The following TNFAIP2 variants were observed in gnomAD, a reference collection of about 807,000 sequenced individuals.
TNFAIP2 encodes the protein TNF alpha induced protein 2.
Under a neutral mutation model 63.5 loss-of-function variants are expected in TNFAIP2, and 47 were observed. The ratio of observed to expected loss-of-function variants is 0.74; its 90% CI spans 0.59 to 0.94. The LOEUF (loss-of-function observed/expected upper bound fraction) is 0.94. Ranked by LOEUF, TNFAIP2 falls within the 40% of genes least tolerant of loss-of-function variation. The pLI is 0.00. For missense variants in TNFAIP2, 787 were observed against 850.2 expected (o/e 0.93, Z 0.92); for synonymous variants, 405 against 390.2 (o/e 1.04, Z -0.45).
rs2088106927 is a variant in TNFAIP2 at position 103,137,020 on chromosome 14, C to T, written c.*1660C>T. ...TATTCTGCCCACCGCACCCTCCGTT[C>T]ATCCCCTGCCCTGCCGGGCACCTCG... On this transcript the variant is annotated 3_prime_UTR_variant, in exon 12 of 12. Coordinates refer to ENST00000560869, the MANE Select transcript of TNFAIP2 (RefSeq NM_006291.4). 1 of 151,994 alleles carries T rather than the reference C, an allele frequency of 6.6e-6. No individual in the cohort carries two copies. Among genetic ancestry groups the T allele is most frequent in the Non-Finnish European group, 1.5e-5 (1 of 67,998 alleles). 9.4% of individuals were successfully genotyped at this position (151,994 alleles called of 1,614,324 possible).
rs2087982400 is a variant in TNFAIP2, at chr14:103,131,873, C to T, written c.1422+111C>T. ...GAAGCAAAGATGTGGGGAAGACACG[C>T]TCCAGGCCTGTGGACGGCACCGTGG... On this transcript the variant is annotated intron_variant, in intron 8 of 11. Coordinates refer to ENST00000560869, the MANE Select transcript of TNFAIP2 (RefSeq NM_006291.4). This position sits in a 1 kb window ranked among gnomAD's most constrained non-coding sequence, Gnocchi z 4.0. 26 of 1,440,466 alleles carry T rather than the reference C, an allele frequency of 1.8e-5. No individual in the cohort carries two copies. The highest frequency in any genetic ancestry group is 2.4e-5 in the Non-Finnish European group (26 of 1,081,580). The allele number at this position is 1,440,466 out of a possible 1,614,324, so 89.2% of individuals were successfully genotyped here.
rs28409868 is a variant in TNFAIP2 at position 103,123,908 on chromosome 14, C to T, written c.-192C>T. 2 of 152,328 alleles carry T rather than the reference C, an allele frequency of 1.3e-5. No homozygotes were observed. The highest frequency in any genetic ancestry group is 2.4e-5 in the African/African-American group (1 of 41,436). 9.4% of individuals were successfully genotyped at this position (152,328 alleles called of 1,614,324 possible). The stretch of plus-strand genomic sequence containing the variant: ...GAAGGAGCCGGGCCCAGCGAGCTCC[C>T]GGGAGGTGTGTGGACATCAGCCCTG... On this transcript the variant is annotated 5_prime_UTR_variant, in exon 1 of 12. Coordinates refer to ENST00000560869, the MANE Select transcript of TNFAIP2 (RefSeq NM_006291.4).
chr14:103,124,884 G>A (rs1332833349), intron 1 of TNFAIP2, among the ~76,000 whole-genome samples: 3 of 152,254 alleles, frequency 2.0e-5, no homozygotes, highest in African/African-American at 7.2e-5. Flanking sequence ...GAGCATGGCA[G>A]GGGCTGGGGG....
At chr14:103,130,519 C>T (rs1037446516) in intron 6 of TNFAIP2, 104 bp downstream of exon 6, 7 of 1,071,472 alleles carry the variant, frequency 6.5e-6, no homozygotes, top group Non-Finnish European at 9.5e-6. Context: ...CCGCCCTCTA[C>T]CCCTGTCCCT....
rs555112191 is a variant in TNFAIP2 at position 103,130,352 on chromosome 14, C to G, written c.1136C>G (p.Thr379Arg). 2 of 1,568,464 alleles carry G rather than the reference C, an allele frequency of 1.3e-6. No homozygotes were observed. Among genetic ancestry groups the G allele is most frequent in the Non-Finnish European group, 1.7e-6 (2 of 1,156,284 alleles). Reference sequence around the variant, plus strand: ...GCCCAGGCCAAGGCCGAGAGCATCACGCTGGACTTGGGCTCACAGATAAAG... The same window carrying G: ...GCCCAGGCCAAGGCCGAGAGCATCAGGCTGGACTTGGGCTCACAGATAAAG... ...SQAQAKAESI[T>R]LDLGSQIKRV... Residue 379 changes from threonine to arginine, a missense_variant, in exon 6 of 12, where the codon ACG (threonine) becomes AGG (arginine). Coordinates refer to ENST00000560869, the MANE Select transcript of TNFAIP2 (RefSeq NM_006291.4).
chr14:103,135,801 C>T lies in TNFAIP2; in HGVS notation c.*441C>T. 2.3e-6 allele frequency: 3 copies of T among 1,294,724 alleles called. No individual in the cohort carries two copies. The highest frequency in any genetic ancestry group is 2.1e-4 in the Middle Eastern group (1 of 4,716). 80.2% of individuals were successfully genotyped at this position (1,294,724 alleles called of 1,614,324 possible). A position where few individuals can be genotyped will look rare whatever the true frequency, so the allele number is the denominator to read the frequency against. ...AGGGGCCGAGCCTCACCCATCTGCC[C>T]TCTGCAGCCCAGGGCCGCCGTGAGC... is the stretch of plus-strand genomic sequence containing the variant. On this transcript the variant is annotated 3_prime_UTR_variant, in exon 12 of 12. Coordinates refer to ENST00000560869, the MANE Select transcript of TNFAIP2 (RefSeq NM_006291.4). The surrounding 1 kb of genome is among the most constrained non-coding windows in gnomAD (Gnocchi z 7.6).
Position 103,126,314 on chromosome 14 carries a change from C to G in TNFAIP2, c.-144C>G, listed in dbSNP as rs1172608060. 1.6e-6 allele frequency: 1 copy of G among 638,048 alleles called. No homozygotes were observed. Among genetic ancestry groups the G allele is most frequent in the Non-Finnish European group, 2.7e-6 (1 of 364,540 alleles). 39.5% of individuals were successfully genotyped at this position (638,048 alleles called of 1,614,324 possible). On this transcript the variant is annotated 5_prime_UTR_variant, in exon 2 of 12. Transcript: ENST00000560869. ...GCCTTCACCCCCACCCCGCAGGAGC[C>G]TGCAGGCCTGAACCAGGGTGATGCT... is the stretch of plus-strand genomic sequence containing the variant.
At position 103,135,709 on chromosome 14, in the gene TNFAIP2, C is replaced by T. The variant is rs2088080998; in HGVS notation, c.*349C>T. 1 of 1,247,170 alleles carries T rather than the reference C, an allele frequency of 8.0e-7. No homozygotes were observed. The highest frequency in any genetic ancestry group is 1.0e-6 in the Non-Finnish European group (1 of 976,690). The allele number at this position is 1,247,170 out of a possible 1,614,324, so 77.3% of individuals were successfully genotyped here. On this transcript the variant is annotated 3_prime_UTR_variant, in exon 12 of 12. Coordinates refer to ENST00000560869, the MANE Select transcript of TNFAIP2 (RefSeq NM_006291.4). The surrounding 1 kb of genome is among the most constrained non-coding windows in gnomAD (Gnocchi z 7.6). ...CGGACACCTCTGTCCAGAGCCCCTC[C>T]ACAGTCGGCCTCATGACTGTCCTCC...
upstream of TNFAIP2, chr14:103,122,797 T>C (rs574389157): frequency 2.0e-5 from 9 of 453,402 alleles, no homozygotes; most frequent in Non-Finnish European, 3.1e-5. Context: ...GGGAGTCCCA[T>C]AGGCCTGGCT....
chr14:103,127,691 C>G lies in TNFAIP2; in HGVS notation c.860+62C>G. On this transcript the variant is annotated intron_variant, in intron 3 of 11. Coordinates refer to ENST00000560869, the MANE Select transcript of TNFAIP2 (RefSeq NM_006291.4). This position sits in a 1 kb window ranked among gnomAD's most constrained non-coding sequence, Gnocchi z 5.1. ...AGGGTGTCCTCTGTAGGAGGGGTGTCGAGGGGTGTCGAGGTGTGCCGCCGG... is the reference window on the plus strand; with the variant it reads ...AGGGTGTCCTCTGTAGGAGGGGTGTGGAGGGGTGTCGAGGTGTGCCGCCGG... 1 of 1,374,436 alleles carries G rather than the reference C, an allele frequency of 7.3e-7. No homozygotes were observed. Among genetic ancestry groups the G allele is most frequent in the Non-Finnish European group, 9.4e-7 (1 of 1,068,706 alleles). 85.1% of individuals were successfully genotyped at this position (1,374,436 alleles called of 1,614,324 possible).
chr14:103,135,781 C>A lies in TNFAIP2; in HGVS notation c.*421C>A. 1 of 1,291,234 alleles carries A rather than the reference C, an allele frequency of 7.7e-7. No homozygotes were observed. Among genetic ancestry groups the A allele is most frequent in the Non-Finnish European group, 1.0e-6 (1 of 991,198 alleles). 80.0% of individuals were successfully genotyped at this position (1,291,234 alleles called of 1,614,324 possible). ...CTCTTCAGCTCTCTGGAGACAGGGG[C>A]CGAGCCTCACCCATCTGCCCTCTGC... is the stretch of plus-strand genomic sequence containing the variant. On this transcript the variant is annotated 3_prime_UTR_variant, in exon 12 of 12. Transcript: ENST00000560869. This position sits in a 1 kb window ranked among gnomAD's most constrained non-coding sequence, Gnocchi z 7.6.
In TNFAIP2 at chr14:103,127,348, C is replaced by T. The variant is rs369911538; in HGVS notation, c.579C>T (p.Gly193=). The T allele has an allele frequency of 1.6e-6, 2 of 1,251,068 alleles. No individual in the cohort carries two copies. Among genetic ancestry groups the T allele is most frequent in the African/African-American group, 1.6e-5 (1 of 62,186 alleles). 77.5% of individuals were successfully genotyped at this position (1,251,068 alleles called of 1,614,324 possible). Residue 193 remains glycine, a synonymous_variant, in exon 3 of 12, where the codon GGC becomes GGT. Transcript: ENST00000560869. This position sits in a 1 kb window ranked among gnomAD's most constrained non-coding sequence, Gnocchi z 5.1. ...PRRWLQLWRR[G]VAEAAEERMG... Reference sequence around the variant, plus strand: ...GCTGGCTGCAGCTGTGGCGGCGCGGCGTGGCGGAGGCGGCCGAGGAGCGCA... The same window carrying T: ...GCTGGCTGCAGCTGTGGCGGCGCGGTGTGGCGGAGGCGGCCGAGGAGCGCA...
chr14:103,133,117 AAC>A (rs1359608301), intron 9 of TNFAIP2, among the ~76,000 whole-genome samples: 24 of 151,232 alleles, frequency 1.6e-4, no homozygotes, highest in South Asian at 4.2e-4. Context: ...CACACATATG[AAC>A]ACACGTGAAG....
intron 5 of TNFAIP2, 42 bp downstream of exon 5, chr14:103,130,166 G>A (rs1216175004): frequency 1.8e-5 from 28 of 1,594,404 alleles, no homozygotes; most frequent in Non-Finnish European, 2.4e-5. Flanking sequence ...GCCCGTGCAC[G>A]TGCATGGGGA....
chr14:103,122,077 G>T (rs1193649666), upstream of TNFAIP2, among the ~76,000 whole-genome samples: 1 of 152,138 alleles, frequency 6.6e-6, no homozygotes, highest in African/African-American at 2.4e-5. Flanking sequence ...GGGACACCGC[G>T]GCTCTGTGGA....
intron 8 of TNFAIP2, 40 bp from the exon 9 acceptor site, chr14:103,132,710 C>A (rs980506499): frequency 5.0e-6 from 8 of 1,599,744 alleles, no homozygotes; most frequent in African/African-American, 1.3e-5. Context: ...AGCCCTTCCT[C>A]TCCAGGGCGT....
Position 103,127,246 on chromosome 14 carries a change from G to T in TNFAIP2, c.477G>T (p.Ala159=). 10 of 1,044,382 alleles carry T rather than the reference G, an allele frequency of 9.6e-6. No individual in the cohort carries two copies. The highest frequency in any genetic ancestry group is 1.0e-5 in the Non-Finnish European group (9 of 867,898). 64.7% of individuals were successfully genotyped at this position (1,044,382 alleles called of 1,614,324 possible). A position where few individuals can be genotyped will look rare whatever the true frequency, so the allele number is the denominator to read the frequency against. The change falls in exon 3 of 12, where the codon GCG becomes GCT. Residue 159 remains alanine, a synonymous_variant. Coordinates refer to ENST00000560869, the MANE Select transcript of TNFAIP2 (RefSeq NM_006291.4). The surrounding 1 kb of genome is among the most constrained non-coding windows in gnomAD (Gnocchi z 5.1). ...TGCGCCAGGCGCTGGCCGTGGTGGC[G>T]GAGCAGGAGCGCGAGGACCGCCAGG... ...ERLRQALAVV[A]EQEREDRQAA... is the part of the protein sequence containing the mutation.
At chr14:103,121,878 AG>A (rs1285232704), upstream of TNFAIP2, among the ~76,000 whole-genome samples, 7 of 20,616 alleles carry the variant, frequency 3.4e-4, no homozygotes, top group South Asian at 4.2e-3. Context: ...TGGGAATGGG[AG>A]GGGGGGTGAG....
Position 103,135,352 on chromosome 14 carries a change from G to T in TNFAIP2, c.1957G>T (p.Val653Phe). The change falls in exon 12 of 12, where the codon GTT becomes TTT. Residue 653 changes from valine to phenylalanine, a missense_variant. This residue lies in a region of TNFAIP2 where 523 missense variants were observed against 604.1 expected (regional missense o/e 0.87). Transcript: ENST00000560869. This position sits in a 1 kb window ranked among gnomAD's most constrained non-coding sequence, Gnocchi z 7.6. ...CCGGCCCCTATTTTCCCTTATAAAG[G>T]TTGGTTAGCTTTTCCTGTGGCCTGA... ...PSRPLFSLIK[V>F]G 6.2e-7 allele frequency: 1 copy of T among 1,606,864 alleles called. No homozygotes were observed. Among genetic ancestry groups the T allele is most frequent in the Non-Finnish European group, 8.5e-7 (1 of 1,176,390 alleles).
Sources: gnomAD v4.1 joint callset for allele counts (sites outside exome capture counted in the v4.1 genomes callset) on GRCh38, gnomAD v4.1.1 for gene constraint, gnomAD v4.1.1 regional missense constraint, Gnocchi (gnomAD v3.1) non-coding constraint, MANE v1.5 for transcripts, NCBI Gene and HGNC (gene_info 2026-07-23, HGNC 2026-07-21) for gene names.